GRK3: variants seen among roughly 807,000 people sequenced by gnomAD.
GRK3 encodes the protein adrenergic, beta, receptor kinase 2.
In GRK3, 54 loss-of-function variants were observed where a neutral mutation model predicts 95.7. The observed-to-expected ratio is 0.56, with a 90% confidence interval of 0.45 to 0.71. The LOEUF is 0.71. Ranked by LOEUF, GRK3 falls within the 30% of genes least tolerant of loss-of-function variation. The probability of loss-of-function intolerance (pLI) is 0.00; values close to 1 mark genes in which losing one functional copy is unlikely to be tolerated. For missense variants in GRK3, 649 were observed against 851.2 expected (o/e 0.76, Z 2.96); for synonymous variants, 281 against 290.8 (o/e 0.97, Z 0.34).
intron 12 of GRK3, among the ~76,000 whole-genome samples, chr22:25,693,774 CTTTTTT>C (rs542086916): frequency 0.02 from 2,251 of 112,820 alleles, 39 homozygotes; most frequent in African/African-American, 0.065. Flanking sequence ...GTTAAAAATT[CTTTTTT>C]TTTTTTTTTT....
intron 10 of GRK3, among the ~76,000 whole-genome samples, chr22:25,686,974 C>T (rs955460609): frequency 2.6e-5 from 4 of 152,154 alleles, no homozygotes; most frequent in Admixed American, 6.5e-5. Flanking sequence ...CATGTGCCAC[C>T]ACGCCTGGCT....
chr22:25,695,065 G>T, intron 12 of GRK3, 42 bp from the exon 13 acceptor site: 1 of 1,448,634 alleles, frequency 6.9e-7, no homozygotes, highest in South Asian at 1.2e-5. Flanking sequence ...GTTTTCTAAA[G>T]TGGGCATGCT....
At chr22:25,575,842 T>G (rs1368091538) in intron 1 of GRK3, among the ~76,000 whole-genome samples, 2 of 152,262 alleles carry the variant, frequency 1.3e-5, no homozygotes, top group Non-Finnish European at 2.9e-5. Context: ...GTGTCTTGAC[T>G]GTGGGGCAGG....
chr22:25,595,455 TGTA>T (rs2084366288), intron 1 of GRK3, among the ~76,000 whole-genome samples: 1 of 152,184 alleles, frequency 6.6e-6, no homozygotes. Context: ...ACTTTTTGTG[TGTA>T]GTATTAGACA....
At chr22:25,610,162 A>G (rs1453858274) in intron 2 of GRK3, among the ~76,000 whole-genome samples, 1 of 152,024 alleles carries the variant, frequency 6.6e-6, no homozygotes, top group Non-Finnish European at 1.5e-5. Context: ...TGCAATTTTT[A>G]CTTTTTAAAA....
At chr22:25,630,588 G>C (rs1343803561) in intron 2 of GRK3, among the ~76,000 whole-genome samples, 1 of 152,102 alleles carries the variant, frequency 6.6e-6, no homozygotes. Context: ...GAATTTTCTC[G>C]CCCCTACATT....
intron 8 of GRK3, among the ~76,000 whole-genome samples, chr22:25,675,488 CAT>C (rs1013016816): frequency 2.6e-5 from 4 of 151,924 alleles, no homozygotes; most frequent in Admixed American, 1.3e-4. Context: ...TGGCTTAAGA[CAT>C]ATTTCTGAAA....
chr22:25,652,348 G>A (rs758798669), intron 3 of GRK3, among the ~76,000 whole-genome samples: 8 of 152,128 alleles, frequency 5.3e-5, no homozygotes, highest in African/African-American at 9.7e-5. Context: ...GGAGAATGGC[G>A]TGAACCCGGG....
At chr22:25,649,445 G>A (rs1002722229) in intron 3 of GRK3, among the ~76,000 whole-genome samples, 2 of 152,030 alleles carry the variant, frequency 1.3e-5, no homozygotes, top group Non-Finnish European at 1.5e-5. Context: ...CCGATTTCAG[G>A]GTCCAAAGAA....
At chr22:25,569,862 C>T (rs1931624026) in intron 1 of GRK3, among the ~76,000 whole-genome samples, 1 of 152,182 alleles carries the variant, frequency 6.6e-6, no homozygotes, top group African/African-American at 2.4e-5. Flanking sequence ...AGGTGAGTTG[C>T]ATTAGCTCCG....
chr22:25,580,390 G>A (rs1165882965), intron 1 of GRK3: 1 of 152,188 alleles, frequency 6.6e-6, no homozygotes, highest in African/African-American at 2.4e-5. Context: ...GTTAGAGACT[G>A]GGCATTGGAT....
At chr22:25,703,464 A>G (rs1355366597) in intron 13 of GRK3, 46 bp from the exon 14 acceptor site, 2 of 1,462,860 alleles carry the variant, frequency 1.4e-6, no homozygotes, top group East Asian at 2.3e-5. Flanking sequence ...TATGTTCTAT[A>G]TCACCTGATG....
chr22:25,669,354 A>G (rs1393686342), intron 6 of GRK3, among the ~76,000 whole-genome samples: 37 of 152,264 alleles, frequency 2.4e-4, no homozygotes, highest in Non-Finnish European at 1.5e-4. Context: ...TGGAGAGGGC[A>G]GTGGAGGCTT....
intron 2 of GRK3, among the ~76,000 whole-genome samples, chr22:25,642,036 AAAAAGAAAT>A: frequency 1.3e-5 from 2 of 152,256 alleles, no homozygotes; most frequent in Non-Finnish European, 2.9e-5. Context: ...CCAGAAATAG[AAAAAGAAAT>A]ACATGTGGCA....
intron 5 of GRK3, among the ~76,000 whole-genome samples, chr22:25,667,444 C>T (rs1375388873): frequency 6.6e-6 from 1 of 152,182 alleles, no homozygotes; most frequent in Non-Finnish European, 1.5e-5. Context: ...TTCCATGAAG[C>T]GAGCCCTGCT....
At chr22:25,677,268 C>G (rs5996965) in intron 8 of GRK3, among the ~76,000 whole-genome samples, 5 of 150,708 alleles carry the variant, frequency 3.3e-5, no homozygotes, top group African/African-American at 1.2e-4. Flanking sequence ...TCCAGCTACT[C>G]TGGAGGCTGA....
At chr22:25,672,707 G>A (rs1837537787) in intron 7 of GRK3, among the ~76,000 whole-genome samples, 1 of 151,810 alleles carries the variant, frequency 6.6e-6, no homozygotes, top group African/African-American at 2.4e-5. Flanking sequence ...CTTATTATTA[G>A]ATATAATAAT....
chr22:25,702,680 T>A (rs568743380), intron 13 of GRK3, among the ~76,000 whole-genome samples: 1 of 152,252 alleles, frequency 6.6e-6, no homozygotes, highest in African/African-American at 2.4e-5. Context: ...CAAGTAGACA[T>A]TCATTTCATA....
intron 2 of GRK3, among the ~76,000 whole-genome samples, chr22:25,605,418 C>CAG (rs2084438125): frequency 6.6e-6 from 1 of 152,294 alleles, no homozygotes; most frequent in East Asian, 1.9e-4. Flanking sequence ...ATAAGCTACA[C>CAG]AGATGTTCTC....
Sources: allele counts gnomAD v4.1 joint callset (sites outside exome capture counted in the v4.1 genomes callset), GRCh38; gene constraint gnomAD v4.1.1; transcripts MANE v1.5; gene names NCBI Gene and HGNC (gene_info 2026-07-23, HGNC 2026-07-21).